CCDC178: variants seen among roughly 807,000 people sequenced by gnomAD.
CCDC178 encodes coiled-coil domain containing 178.
Under a neutral mutation model 117.4 loss-of-function variants are expected in CCDC178, and 126 were observed. That is an observed-to-expected ratio of 1.07 (90% CI 0.93 to 1.24). The LOEUF (loss-of-function observed/expected upper bound fraction) is 1.24, where lower values mean the gene tolerates loss of function less well. Among genes scored for constraint, CCDC178 ranks in the 50% most tolerant of loss-of-function variants. The pLI, the probability that CCDC178 is intolerant of heterozygous loss-of-function variation, is 0.00. For synonymous variants in CCDC178, 283 were observed against 313.4 expected (o/e 0.90, Z 1.02); for missense variants, 1,030 against 986.9 (o/e 1.04, Z -0.59).
At chr18:33,035,015 T>G (rs1379180086) in intron 21 of CCDC178, among the ~76,000 whole-genome samples, 1 of 151,944 alleles carries the variant, frequency 6.6e-6, no homozygotes, top group Non-Finnish European at 1.5e-5. Flanking sequence ...TAAAAGGCAG[T>G]GTGGAACATG....
chr18:33,333,094 T>G, intron 10 of CCDC178, 80 bp downstream of exon 10: 8 of 731,004 alleles, frequency 1.1e-5, no homozygotes, highest in Non-Finnish European at 1.8e-5. Flanking sequence ...CCTTTAAAGC[T>G]GTGTTAATTT....
At chr18:33,439,794 C>T (rs1352991874) in intron 2 of CCDC178, among the ~76,000 whole-genome samples, 168 bp downstream of exon 2, 2 of 152,186 alleles carry the variant, frequency 1.3e-5, no homozygotes, top group African/African-American at 2.4e-5. Flanking sequence ...TGATAAGCTA[C>T]CAAGTCAATT....
At chr18:33,312,923 G>C (rs2062362528) in intron 11 of CCDC178, among the ~76,000 whole-genome samples, 2 of 152,138 alleles carry the variant, frequency 1.3e-5, no homozygotes, top group Non-Finnish European at 2.9e-5. Flanking sequence ...ACTCCAGTGG[G>C]CCAGACCTTA....
chr18:33,041,427 G>T (rs2056547606), intron 21 of CCDC178, among the ~76,000 whole-genome samples: 1 of 150,114 alleles, frequency 6.7e-6, no homozygotes, highest in African/African-American at 2.4e-5. Context: ...TTTATATAAT[G>T]TATAATATAT....
rs181660790 is a variant in CCDC178 at position 33,011,270 on chromosome 18, G to A, written c.2389-36589C>T. On this transcript the variant is annotated intron_variant, in intron 21 of 22. Transcript: ENST00000383096. ...AACAGCCACAACAGTCCCAATATAA[G>A]TTGCAAAATCAAACATTCAGGCATG... 2.7e-3 allele frequency among the ~76,000 whole-genome samples: 415 copies of A among 152,178 alleles called. 1 individual carries two copies. Among genetic ancestry groups the A allele is most frequent in the Non-Finnish European group, 4.3e-3 (295 of 68,002 alleles).
chr18:33,315,237 C>T (rs1021320674), intron 11 of CCDC178, among the ~76,000 whole-genome samples: 7 of 152,156 alleles, frequency 4.6e-5, no homozygotes, highest in Admixed American at 2.0e-4. Context: ...AATCGTCTGA[C>T]TTTTGATTAT....
Position 33,226,815 on chromosome 18 carries a change from A to G in CCDC178, c.1634T>C (p.Val545Ala). The G allele has an allele frequency of 6.3e-7, 1 of 1,598,154 alleles. No individual in the cohort carries two copies. The highest frequency in any genetic ancestry group is 1.1e-5 in the South Asian group (1 of 89,442). Residue 545 changes from valine (V) to alanine (A), a missense_variant, in exon 16 of 23, where the codon GTG (valine) becomes GCG (alanine). Transcript: ENST00000383096. ...EFLKKLTQGE[V>A]AAGMVLQKKL... ...TACCTGAAGCACCATTCCAGCAGCC[A>G]CTTCACCTTGAGTGAGTTTTTTCAG...
intron 21 of CCDC178, among the ~76,000 whole-genome samples, chr18:33,065,011 C>G (rs1057054019): frequency 8.2e-5 from 12 of 146,276 alleles, no homozygotes; most frequent in African/African-American, 3.1e-4. Flanking sequence ...CATGTTCTCA[C>G]TCATGTGTGG....
chr18:33,302,586 G>A (rs2062190879), intron 11 of CCDC178, among the ~76,000 whole-genome samples: 1 of 152,176 alleles, frequency 6.6e-6, no homozygotes, highest in East Asian at 1.9e-4. Context: ...ACTACACTAT[G>A]CACAATAGCC....
chr18:33,098,795 C>T (rs529734116), intron 20 of CCDC178, among the ~76,000 whole-genome samples: 24 of 151,926 alleles, frequency 1.6e-4, no homozygotes, highest in Admixed American at 7.9e-4. Flanking sequence ...GTTTACTTTA[C>T]GGATTCAGCT....
chr18:33,214,469 A>T (rs1174388025), intron 19 of CCDC178, among the ~76,000 whole-genome samples: 2 of 152,008 alleles, frequency 1.3e-5, no homozygotes, highest in Non-Finnish European at 2.9e-5. Context: ...CAGCTTCAGA[A>T]GAAGTTAGGA....
chr18:33,389,369 T>C (rs1358131082), intron 5 of CCDC178, among the ~76,000 whole-genome samples, 171 bp downstream of exon 5: 4 of 151,856 alleles, frequency 2.6e-5, no homozygotes, highest in Non-Finnish European at 5.9e-5. Context: ...CAATATACTA[T>C]TGATACAATA....
At chr18:33,130,649 AC>A (rs1471176719) in intron 20 of CCDC178, among the ~76,000 whole-genome samples, 4 of 151,990 alleles carry the variant, frequency 2.6e-5, no homozygotes, top group African/African-American at 9.7e-5. Flanking sequence ...AGAAATTAAG[AC>A]TAATAAAAAT....
chr18:33,116,856 C>G (rs976952192), intron 20 of CCDC178, among the ~76,000 whole-genome samples: 1 of 120,152 alleles, frequency 8.3e-6, no homozygotes, highest in Non-Finnish European at 1.7e-5. Context: ...ATATTATATG[C>G]AGACATCACC....
intron 20 of CCDC178, among the ~76,000 whole-genome samples, chr18:33,095,241 T>G (rs1012141282): frequency 2.0e-5 from 3 of 152,000 alleles, no homozygotes; most frequent in Non-Finnish European, 2.9e-5. Flanking sequence ...TTTTACTCAA[T>G]TCCAATTATT....
intron 9 of CCDC178, among the ~76,000 whole-genome samples, chr18:33,333,849 T>C (rs2062706310): frequency 6.6e-6 from 1 of 152,144 alleles, no homozygotes; most frequent in African/African-American, 2.4e-5. Context: ...TACTATAAAA[T>C]ATATTACTTT....
At chr18:33,011,767 CAAAAAAAAAAAAAAAAAAA>C (rs71177899) in intron 21 of CCDC178, among the ~76,000 whole-genome samples, 30 of 30,014 alleles carry the variant, frequency 1.0e-3, no homozygotes, top group Middle Eastern at 0.018. Context: ...GAGCAGAATG[CAAAAAAAAAAAAAAAAAAA>C]AAAAAAAAAA....
chr18:33,265,695 G>A (rs528493830), intron 14 of CCDC178, among the ~76,000 whole-genome samples: 2 of 151,890 alleles, frequency 1.3e-5, no homozygotes, highest in African/African-American at 2.4e-5. Flanking sequence ...TATGTGGTGG[G>A]GGGTCTTTGG....
At chr18:33,173,987 T>C (rs956237212) in intron 20 of CCDC178, among the ~76,000 whole-genome samples, 2 of 152,164 alleles carry the variant, frequency 1.3e-5, no homozygotes, top group Non-Finnish European at 2.9e-5. Context: ...ATTCTTGCAC[T>C]GCTATAAAGA....
Sources: allele counts gnomAD v4.1 joint callset (sites outside exome capture counted in the v4.1 genomes callset), GRCh38; gene constraint gnomAD v4.1.1; transcripts MANE v1.5; gene names NCBI Gene and HGNC (gene_info 2026-07-23, HGNC 2026-07-21).